GSG1: variants seen among roughly 807,000 people sequenced by gnomAD.
GSG1 encodes the protein germ cell associated 1.
In GSG1, 28 loss-of-function variants were observed where a neutral mutation model predicts 30.8. The ratio of observed to expected loss-of-function variants is 0.91; its 90% CI spans 0.67 to 1.25. GSG1 has a LOEUF of 1.25. Among genes scored for constraint, GSG1 ranks in the 50% most tolerant of loss-of-function variants. The pLI is 0.00. For synonymous variants in GSG1, 162 were observed against 178.0 expected (o/e 0.91, Z 0.71); for missense variants, 435 against 444.7 (o/e 0.98, Z 0.20).
intron 1 of GSG1, chr12:13,095,664 T>C: frequency 1.2e-6 from 2 of 1,613,868 alleles, no homozygotes; most frequent in Non-Finnish European, 8.5e-7. Flanking sequence ...GCACTCCAAG[T>C]CCCTTTGGTT....
chr12:13,103,422 T>G, intron 1 of GSG1, 43 bp downstream of exon 1: 1 of 1,374,510 alleles, frequency 7.3e-7, no homozygotes, highest in Non-Finnish European at 1.0e-6. Context: ...AGTAAAGATA[T>G]GTGTATGAGA....
At chr12:13,089,600 A>G (rs985804570) in intron 2 of GSG1, among the ~76,000 whole-genome samples, 6 of 152,172 alleles carry the variant, frequency 3.9e-5, no homozygotes, top group African/African-American at 1.4e-4. Context: ...GCTCTCTTAC[A>G]TGATCAGTTA....
At chr12:13,095,468 C>T (rs1455388819) in intron 1 of GSG1, 3 of 918,322 alleles carry the variant, frequency 3.3e-6, no homozygotes, top group South Asian at 2.6e-5. Flanking sequence ...CATATATTAA[C>T]AGAGTAACCC....
chr12:13,099,755 T>TGTTGTTG lies in GSG1; in HGVS notation c.48+3709_48+3710insCAACAAC, dbSNP rs1565551160. 1.0e-3 allele frequency among the ~76,000 whole-genome samples: 134 copies of TGTTGTTG among 133,898 alleles called. 1 individual carries two copies. The highest frequency in any genetic ancestry group is 3.5e-3 in the African/African-American group (130 of 36,752). 87.8% of individuals were successfully genotyped at this position (133,898 alleles called of 152,430 possible). A position where few individuals can be genotyped will look rare whatever the true frequency, so the allele number is the denominator to read the frequency against. The stretch of plus-strand genomic sequence containing the variant: ...GGGATCCGGTGTTTTTTTTTGTTTT[T>TGTTGTTG]TTTTTTTTTTTTTGTTTTTTCTTCA... On this transcript the variant is annotated intron_variant, in intron 1 of 6. Transcript: ENST00000651961.
At chr12:13,094,052 A>T (rs1473602433) in intron 1 of GSG1, among the ~76,000 whole-genome samples, 1 of 152,228 alleles carries the variant, frequency 6.6e-6, no homozygotes, top group African/African-American at 2.4e-5. Context: ...AACCTTCTTG[A>T]GCTTTCCAGG....
intron 1 of GSG1, among the ~76,000 whole-genome samples, chr12:13,099,740 GTTTTTTTTTGT>G (rs1220898964): frequency 1.4e-4 from 13 of 95,814 alleles, no homozygotes; most frequent in Admixed American, 6.5e-4. Flanking sequence ...GGGATCCGGT[GTTTTTTTTTGT>G]TTTTTTTTTT....
intron 6 of GSG1, 100 bp from the exon 7 acceptor site, chr12:13,085,343 T>G (rs1865420289): frequency 2.7e-6 from 3 of 1,104,764 alleles, no homozygotes; most frequent in Middle Eastern, 6.0e-4. Context: ...CTTATTGCCT[T>G]GTAGGGATTT....
chr12:13,090,453 C>A, intron 2 of GSG1, 50 bp downstream of exon 2: 1 of 1,533,326 alleles, frequency 6.5e-7, no homozygotes, highest in Non-Finnish European at 8.9e-7. Context: ...TGCATTAGAT[C>A]CCTTGCCCGC....
chr12:13,099,229 AT>A (rs1862971468), intron 1 of GSG1, among the ~76,000 whole-genome samples: 1 of 152,088 alleles, frequency 6.6e-6, no homozygotes, highest in African/African-American at 2.4e-5. Context: ...ACTTCCTTTC[AT>A]TGTAATTTGG....
intron 4 of GSG1, 29 bp downstream of exon 4, chr12:13,088,833 C>A (rs149406730): frequency 1.2e-6 from 2 of 1,614,048 alleles, no homozygotes; most frequent in South Asian, 1.1e-5. Context: ...GGCCTTGCAA[C>A]GTGGCAAATT....
At chr12:13,087,388 A>T in intron 5 of GSG1, 125 bp from the exon 6 acceptor site, 1 of 642,966 alleles carries the variant, frequency 1.6e-6, no homozygotes, top group South Asian at 1.8e-5. Context: ...CCATTACCCT[A>T]TGCCACCACA....
At chr12:13,091,744 T>A (rs1866169887) in intron 1 of GSG1, among the ~76,000 whole-genome samples, 1 of 152,198 alleles carries the variant, frequency 6.6e-6, no homozygotes, top group South Asian at 2.1e-4. Context: ...TGATGTCCAA[T>A]CATATTTCTA....
intron 1 of GSG1, among the ~76,000 whole-genome samples, chr12:13,094,366 T>G (rs1265477463): frequency 6.6e-6 from 1 of 152,224 alleles, no homozygotes; most frequent in African/African-American, 2.4e-5. Flanking sequence ...AAAAGCAATC[T>G]GCTAATATGA....
At position 13,096,473 on chromosome 12, in the gene GSG1, C is replaced by CAAA. The variant is rs775026265; in HGVS notation, c.49-5658_49-5656dup. Among the ~76,000 whole-genome samples the CAAA allele has an allele frequency of 3.4e-3, 255 of 74,068 alleles. 3 individuals are homozygous for CAAA. The highest frequency in any genetic ancestry group is 0.012 in the African/African-American group (224 of 18,114). The allele number at this position is 74,068 out of a possible 152,430, so 48.6% of individuals were successfully genotyped here. On this transcript the variant is annotated intron_variant, in intron 1 of 6. Coordinates refer to ENST00000651961, the MANE Select transcript of GSG1 (RefSeq NM_001080555.4). ...TGGGTGACAGAGTGAGACTCTGTCT[C>CAAA]AAAAAAAAAAAAAAAAAAAAGAATA...
intron 1 of GSG1, among the ~76,000 whole-genome samples, chr12:13,094,526 C>G (rs1866475672): frequency 6.6e-6 from 1 of 152,172 alleles, no homozygotes; most frequent in Non-Finnish European, 1.5e-5. Context: ...TCGCGTGTTG[C>G]CCAGTTCCCC....
chr12:13,088,651 G>A, intron 4 of GSG1: 1 of 1,248,102 alleles, frequency 8.0e-7, no homozygotes, highest in South Asian at 1.5e-5. Flanking sequence ...GGGCTCAGAA[G>A]AGAAAAGTGG....
intron 1 of GSG1, 81 bp from the exon 2 acceptor site, chr12:13,090,899 C>T (rs945530915): frequency 3.5e-6 from 4 of 1,155,884 alleles, no homozygotes; most frequent in African/African-American, 3.1e-5. Flanking sequence ...GGCCATCCTT[C>T]CCTGCACTCC....
chr12:13,093,859 A>T lies in GSG1; in HGVS notation c.49-3041T>A, dbSNP rs909244493. Among the ~76,000 whole-genome samples, 1 of 152,232 alleles carries T rather than the reference A, an allele frequency of 6.6e-6. No individual in the cohort carries two copies. Among genetic ancestry groups the T allele is most frequent in the African/African-American group, 2.4e-5 (1 of 41,472 alleles). ...CTAAGAGAAGAGGAGGCAAGCTAAA[A>T]TATGACTGGTATTAGACGGCCAACT... On this transcript the variant is annotated intron_variant, in intron 1 of 6. Coordinates refer to ENST00000651961, the MANE Select transcript of GSG1 (RefSeq NM_001080555.4). This position sits in a 1 kb window ranked among gnomAD's most constrained non-coding sequence, Gnocchi z 4.6.
Position 13,089,363 on chromosome 12 carries a change from A to G in GSG1, c.365-87T>C, listed in dbSNP as rs6488584. 9.6e-3 allele frequency: 14,760 copies of G among 1,540,078 alleles called. 1,181 individuals are homozygous for G. In the African/African-American group the frequency reaches 0.18, roughly 19 times the overall value. Reference sequence around the variant, plus strand: ...CTCGCTTTTAGCTGAAATAGGGAGAAGTAGCAGATATCAAATTGTTCATGA... The same window carrying G: ...CTCGCTTTTAGCTGAAATAGGGAGAGGTAGCAGATATCAAATTGTTCATGA... On this transcript the variant is annotated intron_variant, in intron 2 of 6. Transcript: ENST00000651961.
Sources: allele counts gnomAD v4.1 joint callset (sites outside exome capture counted in the v4.1 genomes callset), GRCh38; gene constraint gnomAD v4.1.1; non-coding constraint Gnocchi (gnomAD v3.1); transcripts MANE v1.5; gene names NCBI Gene and HGNC (gene_info 2026-07-23, HGNC 2026-07-21).